BDH2: variants seen among roughly 807,000 people sequenced by gnomAD.
The protein encoded by BDH2 is 3-hydroxybutyrate dehydrogenase 2, also known as dehydrogenase/reductase SDR family member 6.
A neutral mutation model predicts 33.2 loss-of-function variants in BDH2; 24 were observed. That is an observed-to-expected ratio of 0.72 (90% CI 0.52 to 1.02). The LOEUF is 1.02. Among genes scored for constraint, BDH2 ranks in the 50% least tolerant of loss-of-function variants. The probability of loss-of-function intolerance (pLI) is 0.00; values close to 1 mark genes in which losing one functional copy is unlikely to be tolerated. For synonymous variants in BDH2, 81 were observed against 101.6 expected (o/e 0.80, Z 1.22); for missense variants, 249 against 301.6 (o/e 0.83, Z 1.29).
chr4:103,091,622 G>A, intron 4 of BDH2: 1 of 436,830 alleles, frequency 2.3e-6, no homozygotes. Flanking sequence ...GCACACACCT[G>A]CAGCCTCAGC....
rs1033211942 is a variant in BDH2 at position 103,091,288 on chromosome 4, A to C, written c.249-3T>G. 1 of 1,591,080 alleles carries C rather than the reference A, an allele frequency of 6.3e-7. No individual in the cohort carries two copies. The highest frequency in any genetic ancestry group is 8.6e-7 in the Non-Finnish European group (1 of 1,160,630). On this transcript the variant is annotated splice_polypyrimidine_tract_variant and splice_region_variant and intron_variant, in intron 4 of 9. Coordinates refer to ENST00000296424, the MANE Select transcript of BDH2 (RefSeq NM_020139.4). ...GGACAGTTCCATGATGGACAAAACT[A>C]GAAGAGTGATTAAACAATGGAAGAA...
rs1421023724 is a variant in BDH2 at position 103,082,131 on chromosome 4, C to T, written c.634G>A (p.Ala212Thr). 19 of 1,613,998 alleles carry T rather than the reference C, an allele frequency of 1.2e-5. No homozygotes were observed. The highest frequency in any genetic ancestry group is 3.3e-5 in the South Asian group (3 of 91,076). Residue 212 changes from alanine to threonine, a missense_variant, in exon 9 of 10, where the codon GCA becomes ACA. By Grantham distance (58) the Ala-to-Thr change is moderately conservative. Coordinates refer to ENST00000296424, the MANE Select transcript of BDH2 (RefSeq NM_020139.4). ...FLKRQKTGRF[A>T]TAEEIAMLCV... ...AGCATGGCTATTTCTTCTGCAGTTG[C>T]GAATCTTCCCGTCTTTTGTCTCTTC...
chr4:103,099,129 C>G (rs1748535391), intron 1 of BDH2: 1 of 152,116 alleles, frequency 6.6e-6, no homozygotes. Context: ...TGCACAAAAG[C>G]TATTTTACAA....
chr4:103,092,406 C>T (rs1316186069), intron 4 of BDH2, 194 bp downstream of exon 4: 1 of 583,050 alleles, frequency 1.7e-6, no homozygotes, highest in Non-Finnish European at 3.1e-6. Flanking sequence ...TGCCCCAGAT[C>T]ATGTCAAACT....
chr4:103,095,719 A>AT (rs757503480), intron 2 of BDH2, among the ~76,000 whole-genome samples: 1 of 152,196 alleles, frequency 6.6e-6, no homozygotes, highest in Non-Finnish European at 1.5e-5. Context: ...ATACCCTGCC[A>AT]TTATACTTAA....
At chr4:103,093,039 T>C (rs1748190168) in intron 3 of BDH2, among the ~76,000 whole-genome samples, 1 of 152,310 alleles carries the variant, frequency 6.6e-6, no homozygotes, top group East Asian at 1.9e-4. Context: ...ATGGGCTCAT[T>C]TGAAGTTCTT....
chr4:103,082,312 C>G (rs150325935), intron 8 of BDH2, 139 bp from the exon 9 acceptor site: 167 of 688,404 alleles, frequency 2.4e-4, no homozygotes, highest in African/African-American at 2.3e-3. Flanking sequence ...TATGGTGATT[C>G]TTTTGCCAAA....
At chr4:103,090,772 G>A (rs1488126259) in intron 5 of BDH2, among the ~76,000 whole-genome samples, 4 of 152,202 alleles carry the variant, frequency 2.6e-5, no homozygotes, top group Admixed American at 2.6e-4. Flanking sequence ...TTTCACCTTT[G>A]CGGTGGAGTC....
intron 4 of BDH2, 50 bp downstream of exon 4, chr4:103,092,549 GT>G: frequency 2.4e-6 from 3 of 1,267,260 alleles, no homozygotes; most frequent in Non-Finnish European, 3.4e-6. Flanking sequence ...TTGAATGAAA[GT>G]CATAGAAAAC....
chr4:103,092,675 T>C lies in BDH2; in HGVS notation c.173A>G (p.Asp58Gly). ...ATCAATTTGTTTCTTCTTTGTGACA[T>C]CAAGGACACGAGTTTGAATACCTGA... ...KYPGIQTRVL[D>G]VTKKKQIDQF... Residue 58 changes from aspartate to glycine, a missense_variant, in exon 4 of 10, where the codon GAT becomes GGT. Asp to Gly is a moderately conservative substitution (Grantham distance 94). Transcript: ENST00000296424. The C allele has an allele frequency of 6.2e-7, 1 of 1,612,218 alleles. No individual in the cohort carries two copies.
chr4:103,097,836 C>T (rs1475946300), intron 1 of BDH2: 2 of 152,228 alleles, frequency 1.3e-5, no homozygotes, highest in African/African-American at 4.8e-5. Flanking sequence ...CTAGCCTACA[C>T]AATCACTCTG....
intron 9 of BDH2, among the ~76,000 whole-genome samples, chr4:103,081,362 A>G (rs1578498041): frequency 6.6e-6 from 1 of 152,314 alleles, no homozygotes; most frequent in East Asian, 1.9e-4. Context: ...CAGTGGCGCA[A>G]TCCCGGCTCA....
intron 3 of BDH2, among the ~76,000 whole-genome samples, chr4:103,095,001 C>T (rs1031957925): frequency 1.6e-4 from 25 of 152,118 alleles, no homozygotes; most frequent in African/African-American, 4.6e-4. Flanking sequence ...TTTAAGTATT[C>T]GTCCTCAAAT....
chr4:103,090,518 G>A (rs543551570), intron 5 of BDH2, among the ~76,000 whole-genome samples: 1 of 152,306 alleles, frequency 6.6e-6, no homozygotes, highest in South Asian at 2.1e-4. Flanking sequence ...AGCCTAGACT[G>A]AAATTCACGA....
intron 5 of BDH2, among the ~76,000 whole-genome samples, chr4:103,090,658 G>A (rs1452700633): frequency 3.3e-5 from 5 of 152,092 alleles, no homozygotes; most frequent in East Asian, 3.8e-4. Context: ...TACCTCATAC[G>A]ATCATTCCAG....
rs780702270 is a variant in BDH2 at position 103,082,076 on chromosome 4, C to T, written c.684+5G>A. ...AATGAACTCCTTGGGAAGAATAGTG[C>T]TTACTTCATCAGAAGCCAAATACAC... On this transcript the variant is annotated splice_donor_5th_base_variant and intron_variant, in intron 9 of 9. Coordinates refer to ENST00000296424, the MANE Select transcript of BDH2 (RefSeq NM_020139.4). The T allele has an allele frequency of 6.2e-7, 1 of 1,612,614 alleles. No individual in the cohort carries two copies. The highest frequency in any genetic ancestry group is 1.7e-5 in the Admixed American group (1 of 60,024).
chr4:103,086,439 C>A, intron 6 of BDH2, 41 bp downstream of exon 6: 3 of 1,599,734 alleles, frequency 1.9e-6, no homozygotes, highest in Non-Finnish European at 2.6e-6. Context: ...TAATGATGTG[C>A]GTGTATGAGC....
At chr4:103,088,057 T>A (rs1028190747) in intron 5 of BDH2, among the ~76,000 whole-genome samples, 1 of 152,160 alleles carries the variant, frequency 6.6e-6, no homozygotes, top group African/African-American at 2.4e-5. Context: ...ATGGAGTAAG[T>A]GGATACAAGG....
chr4:103,095,070 T>C (rs1195334610), intron 3 of BDH2, 133 bp downstream of exon 3: 2 of 620,116 alleles, frequency 3.2e-6, no homozygotes, highest in East Asian at 5.6e-5. Context: ...ATAGATTTCA[T>C]ATCAGAGAGA....
Sources: allele counts gnomAD v4.1 joint callset (sites outside exome capture counted in the v4.1 genomes callset), GRCh38; gene constraint gnomAD v4.1.1; transcripts MANE v1.5; gene names NCBI Gene and HGNC (gene_info 2026-07-23, HGNC 2026-07-21).